Variants in SNTG1 observed in about 807,000 individuals in gnomAD.
SNTG1 encodes gamma-1-syntrophin.
In SNTG1, 39 loss-of-function variants were observed where a neutral mutation model predicts 74.7. The observed-to-expected ratio is 0.52, with a 90% CI of 0.40 to 0.68. The LOEUF is 0.68. Among genes scored for constraint, SNTG1 ranks in the 30% least tolerant of loss-of-function variants. The pLI is 0.00. For synonymous variants in SNTG1, 254 were observed against 217.1 expected (o/e 1.17, Z -1.49); for missense variants, 685 against 609.5 (o/e 1.12, Z -1.30).
intron 2 of SNTG1, among the ~76,000 whole-genome samples, chr8:50,270,796 G>C (rs2087737723): frequency 6.6e-6 from 1 of 152,134 alleles, no homozygotes; most frequent in South Asian, 2.1e-4. Context: ...GAGAAAGAAA[G>C]ACCTAAAAAC....
rs974225518 is a variant in SNTG1, at chr8:50,344,519, A to G, written c.-27-49693A>G. 5.9e-5 allele frequency among the ~76,000 whole-genome samples: 9 copies of G among 152,302 alleles called. 1 individual carries two copies. In the South Asian group the frequency reaches 1.9e-3, roughly 32 times the overall value. ...ATGTCTTGATGGGGAATGGAAAGGC[A>G]CTGGAAGAGCACATGGAAACAGAAA... On this transcript the variant is annotated intron_variant, in intron 2 of 18. Transcript: ENST00000642720.
At chr8:50,130,812 G>A (rs1256569344) in intron 1 of SNTG1, among the ~76,000 whole-genome samples, 1 of 151,986 alleles carries the variant, frequency 6.6e-6, no homozygotes, top group Non-Finnish European at 1.5e-5. Flanking sequence ...TAAAACAGAA[G>A]CAAATTTGAA....
chr8:50,361,406 T>C (rs2091954439), intron 2 of SNTG1, among the ~76,000 whole-genome samples: 1 of 152,196 alleles, frequency 6.6e-6, no homozygotes, highest in African/African-American at 2.4e-5. Context: ...TTGCTTCTTT[T>C]TTTCATTATA....
intron 2 of SNTG1, among the ~76,000 whole-genome samples, chr8:50,308,899 TG>T (rs1363859136): frequency 2.7e-5 from 4 of 150,814 alleles, no homozygotes; most frequent in Admixed American, 6.6e-5. Flanking sequence ...AATGATGTTT[TG>T]TTTTTTTTTA....
chr8:50,697,732 T>A (rs1173619652), intron 15 of SNTG1, among the ~76,000 whole-genome samples: 2 of 152,188 alleles, frequency 1.3e-5, no homozygotes, highest in African/African-American at 4.8e-5. Context: ...AGGTAATGTA[T>A]GACATTTATT....
At chr8:50,309,826 C>G (rs2090038220) in intron 2 of SNTG1, among the ~76,000 whole-genome samples, 1 of 151,798 alleles carries the variant, frequency 6.6e-6, no homozygotes, top group African/African-American at 2.4e-5. Context: ...TACTTAGTAT[C>G]AAAAAAAACC....
chr8:50,630,659 G>A (rs1198838602), intron 13 of SNTG1, among the ~76,000 whole-genome samples: 2 of 152,148 alleles, frequency 1.3e-5, no homozygotes, highest in Non-Finnish European at 1.5e-5. Flanking sequence ...TAATCTCAAT[G>A]TCAGTCACCT....
chr8:50,740,704 G>A (rs2095541211), intron 17 of SNTG1, among the ~76,000 whole-genome samples: 1 of 152,022 alleles, frequency 6.6e-6, no homozygotes. Context: ...GTTCACTGCA[G>A]CACTGTTCAC....
intron 13 of SNTG1, among the ~76,000 whole-genome samples, chr8:50,606,807 C>A (rs1315815794): frequency 6.6e-6 from 1 of 151,814 alleles, no homozygotes; most frequent in Non-Finnish European, 1.5e-5. Context: ...AATGCCTTTT[C>A]TGTGACTATT....
chr8:50,315,172 G>A (rs574551224), intron 2 of SNTG1, among the ~76,000 whole-genome samples: 24 of 149,836 alleles, frequency 1.6e-4, no homozygotes, highest in Non-Finnish European at 5.9e-5. Flanking sequence ...AAGGGATAGA[G>A]CTGCAGTGGT....
At chr8:50,585,350 CAAAAGCA>C (rs2094641141) in intron 12 of SNTG1, among the ~76,000 whole-genome samples, 1 of 152,076 alleles carries the variant, frequency 6.6e-6, no homozygotes, top group Admixed American at 6.5e-5. Context: ...AACTGTGATC[CAAAAGCA>C]GCCGGTTTTG....
intron 13 of SNTG1, among the ~76,000 whole-genome samples, chr8:50,629,940 G>A (rs964554135): frequency 6.6e-6 from 1 of 152,132 alleles, no homozygotes; most frequent in East Asian, 1.9e-4. Flanking sequence ...AATACATGTG[G>A]CATTAGTACC....
chr8:50,635,952 G>A (rs965762571), intron 13 of SNTG1, among the ~76,000 whole-genome samples: 2 of 152,014 alleles, frequency 1.3e-5, no homozygotes, highest in Admixed American at 1.3e-4. Flanking sequence ...AGCTCTGCCT[G>A]GGTATTGCTG....
intron 15 of SNTG1, among the ~76,000 whole-genome samples, chr8:50,659,165 C>T (rs1311147772): frequency 6.6e-6 from 1 of 152,124 alleles, no homozygotes; most frequent in Non-Finnish European, 1.5e-5. Context: ...TGTAAAAGAA[C>T]ATTCGATTGT....
At chr8:50,705,648 G>T (rs112633427) in intron 16 of SNTG1, among the ~76,000 whole-genome samples, 1 of 151,806 alleles carries the variant, frequency 6.6e-6, no homozygotes, top group Non-Finnish European at 1.5e-5. Context: ...CTAAATTATA[G>T]GTTGTTTGGA....
chr8:49,939,110 G>A (rs578019645), intron 1 of SNTG1, among the ~76,000 whole-genome samples: 132 of 152,192 alleles, frequency 8.7e-4, no homozygotes, highest in Non-Finnish European at 1.5e-3. Context: ...ATTTAGTACT[G>A]CAGACTGTTT....
At chr8:50,734,764 T>A (rs1316894099) in intron 17 of SNTG1, among the ~76,000 whole-genome samples, 2 of 113,048 alleles carry the variant, frequency 1.8e-5, no homozygotes, top group Admixed American at 1.7e-4. Context: ...TATCTATATA[T>A]ATGGACATAT....
intron 2 of SNTG1, among the ~76,000 whole-genome samples, chr8:50,338,443 A>G (rs1033621195): frequency 1.3e-5 from 2 of 152,214 alleles, no homozygotes; most frequent in African/African-American, 4.8e-5. Context: ...CAACAGAACC[A>G]GAATCAGATA....
intron 1 of SNTG1, among the ~76,000 whole-genome samples, chr8:50,062,806 A>G (rs1323168145): frequency 6.6e-6 from 1 of 152,214 alleles, no homozygotes; most frequent in East Asian, 1.9e-4. Context: ...TTTTCCAAAT[A>G]TTTTAAGCAT....
Sources: allele counts gnomAD v4.1 joint callset (sites outside exome capture counted in the v4.1 genomes callset), GRCh38; gene constraint gnomAD v4.1.1; transcripts MANE v1.5; gene names NCBI Gene and HGNC (gene_info 2026-07-23, HGNC 2026-07-21).